EXOC6B: variants seen among roughly 807,000 people sequenced by gnomAD.
EXOC6B encodes exocyst complex component 6B, also known as SEC15 homolog B.
In EXOC6B, 54 loss-of-function variants were observed where a neutral mutation model predicts 113.5. That is an observed-to-expected ratio of 0.48 (90% CI 0.38 to 0.60). The LOEUF (loss-of-function observed/expected upper bound fraction) is 0.60. EXOC6B is among the 20% of genes least tolerant of loss of function. The pLI, the probability that EXOC6B is intolerant of heterozygous loss-of-function variation, is 0.00. For missense variants in EXOC6B, 797 were observed against 977.5 expected, an observed-to-expected ratio of 0.82 and a Z score of 2.46; for synonymous variants, 357 against 339.0, an observed-to-expected ratio of 1.05 and a Z score of -0.58.
intron 1 of EXOC6B, among the ~76,000 whole-genome samples, chr2:72,774,051 G>A (rs572907635): frequency 2.6e-4 from 39 of 152,122 alleles, no homozygotes; most frequent in East Asian, 1.5e-3. Context: ...AATATTTCAC[G>A]TGATTTTGTA....
Position 72,605,767 on chromosome 2 carries a change from T to C in EXOC6B, c.670-30099A>G, listed in dbSNP as rs1296126075. 2.0e-5 allele frequency among the ~76,000 whole-genome samples: 3 copies of C among 152,300 alleles called. No individual in the cohort carries two copies. In the East Asian group the frequency reaches 5.8e-4, roughly 29 times the overall value. The stretch of plus-strand genomic sequence containing the variant: ...CTTCTTGAAATCCCTATAAGCCTAT[T>C]TTCTCCATTTAATCCTCAGAAAATA... On this transcript the variant is annotated intron_variant, in intron 6 of 21. Coordinates refer to ENST00000272427, the MANE Select transcript of EXOC6B (RefSeq NM_015189.3).
At chr2:72,379,629 C>T in intron 19 of EXOC6B, 100 bp downstream of exon 19, 1 of 1,153,962 alleles carries the variant, frequency 8.7e-7, no homozygotes, top group Non-Finnish European at 1.2e-6. Context: ...TCTTTGACTG[C>T]ATTAGGAACA....
At chr2:72,572,638 G>A (rs1381240440) in intron 7 of EXOC6B, among the ~76,000 whole-genome samples, 1 of 152,166 alleles carries the variant, frequency 6.6e-6, no homozygotes, top group Non-Finnish European at 1.5e-5. Flanking sequence ...AAACTATGCA[G>A]TTCTCAATGA....
intron 1 of EXOC6B, among the ~76,000 whole-genome samples, chr2:72,769,499 T>C (rs1382952191): frequency 2.0e-5 from 3 of 152,154 alleles, no homozygotes; most frequent in South Asian, 2.1e-4. Flanking sequence ...CTGAAATTCT[T>C]TGAGTAATGT....
intron 1 of EXOC6B, among the ~76,000 whole-genome samples, chr2:72,745,433 T>C (rs1249861686): frequency 6.6e-6 from 1 of 152,060 alleles, no homozygotes; most frequent in Non-Finnish European, 1.5e-5. Flanking sequence ...TTGCAGTAGA[T>C]CGCCAGAGTA....
chr2:72,803,836 T>C (rs1221314595), intron 1 of EXOC6B, among the ~76,000 whole-genome samples: 1 of 152,192 alleles, frequency 6.6e-6, no homozygotes. Flanking sequence ...AAATCTACAT[T>C]GTCTAAGCTA....
At chr2:72,768,839 G>A (rs1318199720) in intron 1 of EXOC6B, among the ~76,000 whole-genome samples, 1 of 152,092 alleles carries the variant, frequency 6.6e-6, no homozygotes, top group Non-Finnish European at 1.5e-5. Context: ...TTGGCCAGCC[G>A]TGGTAGTTCA....
intron 1 of EXOC6B, among the ~76,000 whole-genome samples, chr2:72,794,519 T>C (rs1219511302): frequency 6.6e-6 from 1 of 152,216 alleles, no homozygotes; most frequent in African/African-American, 2.4e-5. Context: ...TTTAATCGGT[T>C]CCTACCACTT....
At chr2:72,240,227 G>A (rs1036489175) in intron 20 of EXOC6B, among the ~76,000 whole-genome samples, 1 of 152,134 alleles carries the variant, frequency 6.6e-6, no homozygotes, top group Non-Finnish European at 1.5e-5. Flanking sequence ...AATAGAAATG[G>A]TAAAAGTAGA....
chr2:72,246,659 C>A (rs1280982572), intron 20 of EXOC6B, among the ~76,000 whole-genome samples: 1 of 151,932 alleles, frequency 6.6e-6, no homozygotes, highest in South Asian at 2.1e-4. Flanking sequence ...AGGCGCCCAC[C>A]ACCATGCAGG....
chr2:72,390,574 C>T (rs544203126), intron 18 of EXOC6B, among the ~76,000 whole-genome samples: 2 of 152,258 alleles, frequency 1.3e-5, no homozygotes, highest in Admixed American at 6.5e-5. Context: ...AATTAAGTTA[C>T]TCCCGGATCA....
At chr2:72,433,385 A>C (rs1213951119) in intron 18 of EXOC6B, among the ~76,000 whole-genome samples, 1 of 152,140 alleles carries the variant, frequency 6.6e-6, no homozygotes, top group Admixed American at 6.6e-5. Flanking sequence ...TCTTGGCTAC[A>C]TGGGCTCTTT....
intron 1 of EXOC6B, among the ~76,000 whole-genome samples, chr2:72,817,697 T>G (rs1376416462): frequency 6.6e-6 from 1 of 152,242 alleles, no homozygotes; most frequent in Non-Finnish European, 1.5e-5. Context: ...ATCCCAATAA[T>G]TGGCATCACC....
intron 6 of EXOC6B, among the ~76,000 whole-genome samples, chr2:72,641,920 T>A (rs528220660): frequency 6.6e-6 from 1 of 152,360 alleles, no homozygotes; most frequent in Admixed American, 6.5e-5. Context: ...CTCTGCAGCC[T>A]CCGCTGGTGA....
intron 21 of EXOC6B, chr2:72,182,882 T>A: frequency 2.4e-6 from 3 of 1,230,768 alleles, no homozygotes; most frequent in African/African-American, 3.1e-5. Context: ...CCCAAGTGAA[T>A]AATATACTTA....
chr2:72,612,549 C>A (rs771178927), intron 6 of EXOC6B, among the ~76,000 whole-genome samples: 2 of 152,206 alleles, frequency 1.3e-5, no homozygotes, highest in Admixed American at 1.3e-4. Context: ...GAGGTTTCTA[C>A]GAATGCTCTT....
At chr2:72,567,145 C>T (rs1704227570) in intron 7 of EXOC6B, among the ~76,000 whole-genome samples, 1 of 151,450 alleles carries the variant, frequency 6.6e-6, no homozygotes, top group Non-Finnish European at 1.5e-5. Context: ...TAGTTGAACC[C>T]TAAAAAATAA....
At chr2:72,508,094 C>T (rs1700693902) in intron 11 of EXOC6B, among the ~76,000 whole-genome samples, 2 of 129,352 alleles carry the variant, frequency 1.5e-5, no homozygotes, top group Non-Finnish European at 3.1e-5. Flanking sequence ...TTTTCACCCA[C>T]AGAATGACAG....
intron 8 of EXOC6B, among the ~76,000 whole-genome samples, chr2:72,541,559 T>G (rs546900961): frequency 6.6e-6 from 1 of 152,338 alleles, no homozygotes; most frequent in South Asian, 2.1e-4. Context: ...TTTATAAAGG[T>G]AACATTAAAT....
Sources: gnomAD v4.1 joint callset for allele counts (sites outside exome capture counted in the v4.1 genomes callset) on GRCh38, gnomAD v4.1.1 for gene constraint, MANE v1.5 for transcripts, NCBI Gene and HGNC (gene_info 2026-07-23, HGNC 2026-07-21) for gene names.